The following KIAA1328 variants were observed in gnomAD, a reference collection of about 807,000 sequenced individuals.
KIAA1328 encodes KIAA1328, also known as protein hinderin.
A neutral mutation model predicts 68.1 loss-of-function variants in KIAA1328; 52 were observed. The observed-to-expected ratio is 0.76, with a 90% CI of 0.61 to 0.96. The LOEUF (loss-of-function observed/expected upper bound fraction) is 0.96. KIAA1328 is among the 40% of genes least tolerant of loss of function. The probability of loss-of-function intolerance (pLI) is 0.00; values close to 1 mark genes in which losing one functional copy is unlikely to be tolerated. For synonymous variants in KIAA1328, 232 were observed against 239.4 expected, an observed-to-expected ratio of 0.97 and a Z score of 0.28; for missense variants, 641 against 677.6, an observed-to-expected ratio of 0.95 and a Z score of 0.60.
chr18:37,011,729 C>G (rs1320001298), intron 6 of KIAA1328, among the ~76,000 whole-genome samples: 1 of 152,142 alleles, frequency 6.6e-6, no homozygotes, highest in Non-Finnish European at 1.5e-5. Flanking sequence ...AGGTTATATA[C>G]TGTATGAATA....
chr18:37,120,777 A>C (rs1319862539), intron 7 of KIAA1328, among the ~76,000 whole-genome samples: 1 of 152,180 alleles, frequency 6.6e-6, no homozygotes. Context: ...ATGTGCAAGC[A>C]GGTGTCTTTC....
intron 7 of KIAA1328, among the ~76,000 whole-genome samples, chr18:37,103,012 A>G (rs2057667972): frequency 6.6e-6 from 1 of 152,202 alleles, no homozygotes; most frequent in African/African-American, 2.4e-5. Context: ...GGAAAGTACC[A>G]AGCAAGCTGA....
intron 9 of KIAA1328, among the ~76,000 whole-genome samples, chr18:37,179,190 C>T (rs920354866): frequency 2.0e-5 from 3 of 152,132 alleles, no homozygotes; most frequent in Non-Finnish European, 4.4e-5. Context: ...TCCAGTAGTT[C>T]CATAGTTTCA....
chr18:36,962,872 A>T (rs996606001), intron 6 of KIAA1328, among the ~76,000 whole-genome samples: 2 of 152,242 alleles, frequency 1.3e-5, no homozygotes, highest in African/African-American at 4.8e-5. Context: ...AGCAGGAAAG[A>T]TCTAAAATTG....
intron 6 of KIAA1328, among the ~76,000 whole-genome samples, chr18:37,042,150 GA>G (rs1293423410): frequency 1.3e-5 from 2 of 152,024 alleles, no homozygotes; most frequent in African/African-American, 4.8e-5. Context: ...CACCCACCTT[GA>G]CCTCCCAAAA....
At chr18:36,915,332 A>C (rs756385352) in intron 5 of KIAA1328, among the ~76,000 whole-genome samples, 9 of 152,194 alleles carry the variant, frequency 5.9e-5, no homozygotes, top group Non-Finnish European at 1.3e-4. Flanking sequence ...AAGAAAAAAC[A>C]TGATTAATTG....
At position 37,159,792 on chromosome 18, in the gene KIAA1328, C is replaced by G. The variant is rs189948313; in HGVS notation, c.1233-408C>G. ...AACAATTGAAAATTAGAAACACAAA[C>G]GCGTTTGTGTGAGGCACATTGGTGA... On this transcript the variant is annotated intron_variant, in intron 7 of 9. Transcript: ENST00000280020. Among the ~76,000 whole-genome samples, 231 of 152,248 alleles carry G rather than the reference C, an allele frequency of 1.5e-3. 1 individual carries two copies. The highest frequency in any genetic ancestry group is 2.8e-3 in the Non-Finnish European group (190 of 68,012).
At chr18:37,067,848 G>A (rs939940881) in intron 7 of KIAA1328, among the ~76,000 whole-genome samples, 3 of 151,988 alleles carry the variant, frequency 2.0e-5, no homozygotes, top group Non-Finnish European at 2.9e-5. Context: ...ATGAGCTACC[G>A]CGCCTGCCCA....
intron 7 of KIAA1328, among the ~76,000 whole-genome samples, chr18:37,119,713 T>A (rs1298004083): frequency 1.3e-5 from 2 of 152,082 alleles, no homozygotes; most frequent in Admixed American, 1.3e-4. Context: ...CCATAGTGTG[T>A]GTTTGTGTGT....
At chr18:37,200,436 A>G (rs1431487078) in intron 9 of KIAA1328, among the ~76,000 whole-genome samples, 3 of 152,192 alleles carry the variant, frequency 2.0e-5, no homozygotes, top group Non-Finnish European at 1.5e-5. Flanking sequence ...CCACCTAGCA[A>G]GTGGCTTTAA....
At chr18:36,949,597 T>TCCCCCCCCCCCCCCCCCCCC (rs71168248) in intron 5 of KIAA1328, among the ~76,000 whole-genome samples, 3 of 57,360 alleles carry the variant, frequency 5.2e-5, no homozygotes, top group Non-Finnish European at 6.7e-5. Flanking sequence ...TCTACCCAGC[T>TCCCCCCCCCCCCCCCCCCCC]CCCCCCCCCC....
At chr18:36,844,182 G>A (rs371261522) in intron 3 of KIAA1328, 26 bp from the exon 4 acceptor site, 1 of 1,492,352 alleles carries the variant, frequency 6.7e-7, no homozygotes, top group Non-Finnish European at 9.1e-7. Flanking sequence ...TTTAGAAAAA[G>A]TGTAACTAAA....
At chr18:37,097,576 T>C (rs2057452633) in intron 7 of KIAA1328, among the ~76,000 whole-genome samples, 1 of 152,242 alleles carries the variant, frequency 6.6e-6, no homozygotes, top group African/African-American at 2.4e-5. Flanking sequence ...TGGTTCCGTA[T>C]GAACTTTAAA....
chr18:36,869,822 G>A (rs940209433), intron 4 of KIAA1328, among the ~76,000 whole-genome samples: 3 of 152,032 alleles, frequency 2.0e-5, no homozygotes, highest in African/African-American at 7.2e-5. Context: ...TAGGACATTT[G>A]AGAATTGAGT....
chr18:36,924,337 G>A (rs138382791), intron 5 of KIAA1328, among the ~76,000 whole-genome samples: 21 of 152,250 alleles, frequency 1.4e-4, no homozygotes, highest in Non-Finnish European at 2.5e-4. Context: ...GATGAGAGTG[G>A]TGGTAAGGAC....
At position 37,223,439 on chromosome 18, in the gene KIAA1328, A is replaced by C; in HGVS notation, c.*1212A>C. 1.0e-6 allele frequency: 1 copy of C among 985,428 alleles called. No homozygotes were observed. 61.0% of individuals were successfully genotyped at this position (985,428 alleles called of 1,614,324 possible). A position where few individuals can be genotyped will look rare whatever the true frequency, so the allele number is the denominator to read the frequency against. On this transcript the variant is annotated 3_prime_UTR_variant, in exon 10 of 10. Transcript: ENST00000280020. ...TGCAGTGGTCCCTAGTAGCCTCTCA[A>C]GCTAATGGGGATGATGATCCTGGTT...
intron 6 of KIAA1328, among the ~76,000 whole-genome samples, chr18:36,983,341 G>A (rs1480295806): frequency 3.9e-5 from 6 of 151,954 alleles, no homozygotes; most frequent in Non-Finnish European, 8.8e-5. Flanking sequence ...TGTGGAACAC[G>A]GAGTATTACT....
At chr18:37,119,149 G>T (rs1228072191) in intron 7 of KIAA1328, among the ~76,000 whole-genome samples, 1 of 152,140 alleles carries the variant, frequency 6.6e-6, no homozygotes. Context: ...TGGTGGTTTT[G>T]CAAAAGTATT....
chr18:37,199,457 A>C (rs983692018), intron 9 of KIAA1328, among the ~76,000 whole-genome samples: 1 of 152,216 alleles, frequency 6.6e-6, no homozygotes, highest in Admixed American at 6.5e-5. Context: ...ATAGTATTCC[A>C]TGGTGTTTAT....
Sources: allele counts gnomAD v4.1 joint callset (sites outside exome capture counted in the v4.1 genomes callset), GRCh38; gene constraint gnomAD v4.1.1; transcripts MANE v1.5; gene names NCBI Gene and HGNC (gene_info 2026-07-23, HGNC 2026-07-21).